The following TMC5 variants were observed in gnomAD, a reference collection of about 807,000 sequenced individuals.
The protein encoded by TMC5 is transmembrane channel like 5.
In TMC5, 86 loss-of-function variants were observed where a neutral mutation model predicts 110.5. That is an observed-to-expected ratio of 0.78 (90% CI 0.65 to 0.93). The LOEUF (loss-of-function observed/expected upper bound fraction) is 0.93, where lower values mean the gene tolerates loss of function less well. Ranked by LOEUF, TMC5 falls within the 40% of genes least tolerant of loss-of-function variation. The pLI is 0.00. For missense variants in TMC5, 1,144 were observed against 1,222.8 expected, an observed-to-expected ratio of 0.94 and a Z score of 0.96; for synonymous variants, 455 against 439.5, an observed-to-expected ratio of 1.04 and a Z score of -0.44.
chr16:19,439,522 A>G (rs1414010714), intron 2 of TMC5, among the ~76,000 whole-genome samples: 1 of 152,200 alleles, frequency 6.6e-6, no homozygotes, highest in Non-Finnish European at 1.5e-5. Context: ...TAAACAAGAT[A>G]ATTTTATTTC....
chr16:19,436,276 A>AAAAAAAAAAAG (rs1410692400), intron 2 of TMC5, among the ~76,000 whole-genome samples: 1 of 150,994 alleles, frequency 6.6e-6, no homozygotes, highest in African/African-American at 2.4e-5. Flanking sequence ...TCAAAAAGAA[A>AAAAAAAAAAAG]AAAAAAAAGA....
chr16:19,455,684 C>T (rs1967851345), intron 5 of TMC5, among the ~76,000 whole-genome samples: 1 of 152,146 alleles, frequency 6.6e-6, no homozygotes, highest in Non-Finnish European at 1.5e-5. Context: ...CCACAAGTCT[C>T]ATTGGCTAAA....
intron 4 of TMC5, among the ~76,000 whole-genome samples, chr16:19,445,401 C>A (rs183895135): frequency 6.6e-6 from 1 of 152,100 alleles, no homozygotes; most frequent in Admixed American, 6.6e-5. Context: ...TGCCACCATG[C>A]CTGGCACTTT....
At chr16:19,428,982 C>A (rs948380055) in intron 1 of TMC5, among the ~76,000 whole-genome samples, 1 of 152,006 alleles carries the variant, frequency 6.6e-6, no homozygotes, top group African/African-American at 2.4e-5. Context: ...CGAGCCACCA[C>A]GCCTGGCTCA....
At chr16:19,474,101 C>T (rs768258318) in intron 11 of TMC5, 24 bp from the exon 12 acceptor site, 28 of 1,609,980 alleles carry the variant, frequency 1.7e-5, no homozygotes, top group Non-Finnish European at 2.3e-5. Flanking sequence ...GTCAGCCCTC[C>T]GTTCTCTCCC....
In TMC5 at chr16:19,479,473, CTGA is replaced by C. The variant is rs1286292649; in HGVS notation, c.2215_2217del (p.Met739del). On this transcript the variant is annotated inframe_deletion, in exon 14 of 22. Transcript: ENST00000542583. ...TGGCCAGGACATCTACCGGCTCCTT[CTGA>C]TGGATTTTGTGTTCTCTTTAGTCAA... is the stretch of plus-strand genomic sequence containing the variant. 2.5e-6 allele frequency: 4 copies of C among 1,614,092 alleles called. No homozygotes were observed. Among genetic ancestry groups the C allele is most frequent in the Non-Finnish European group, 3.4e-6 (4 of 1,179,992 alleles).
At chr16:19,442,492 C>T (rs1291985418) in intron 3 of TMC5, among the ~76,000 whole-genome samples, 1 of 152,138 alleles carries the variant, frequency 6.6e-6, no homozygotes, top group South Asian at 2.1e-4. Context: ...CCATGCCCAG[C>T]TAGTTTTTGT....
At chr16:19,439,837 A>T in intron 2 of TMC5, 123 bp from the exon 3 acceptor site, 1 of 565,400 alleles carries the variant, frequency 1.8e-6, no homozygotes, top group Non-Finnish European at 3.1e-6. Context: ...CATAGTCTTT[A>T]TTCTAGGCAG....
At chr16:19,487,708 TAAATAAATAAATAAATAAATAA>T (rs1968784309) in intron 17 of TMC5, 3 of 68,172 alleles carry the variant, frequency 4.4e-5, no homozygotes, top group Non-Finnish European at 7.6e-5. Context: ...TCTCAATAAA[TAAATAAATAAATAAATAAATAA>T]ATAAATAAAT....
chr16:19,420,506 G>T (rs1255134426), intron 1 of TMC5, among the ~76,000 whole-genome samples: 1 of 151,832 alleles, frequency 6.6e-6, no homozygotes, highest in Non-Finnish European at 1.5e-5. Context: ...TGTCCCCCAG[G>T]CTGGAGTGCA....
chr16:19,463,643 A>G, intron 7 of TMC5, 133 bp from the exon 8 acceptor site: 3 of 1,180,180 alleles, frequency 2.5e-6, no homozygotes, highest in Non-Finnish European at 3.6e-6. Flanking sequence ...TAACATTTGT[A>G]AACATGCCTA....
At chr16:19,410,936 G>C (rs1966854349) in exon 1 of TMC5, 1 of 152,344 alleles carries the variant, frequency 6.6e-6, no homozygotes, top group African/African-American at 2.4e-5. Flanking sequence ...TGGGAGCGGG[G>C]AGCCAGCGGG....
Position 19,485,838 on chromosome 16 carries a change from G to A in TMC5, c.2364-1107G>A, listed in dbSNP as rs761454689. On this transcript the variant is annotated intron_variant, in intron 15 of 21. Coordinates refer to ENST00000542583, the MANE Select transcript of TMC5 (RefSeq NM_001261841.2). ...GAGATTTTCTCCTTTTGTTGCTCACGAGCACCGCGGGAGAGTTGTAAAGGG... is the reference window on the plus strand; with the variant it reads ...GAGATTTTCTCCTTTTGTTGCTCACAAGCACCGCGGGAGAGTTGTAAAGGG... Among the ~76,000 whole-genome samples the A allele has an allele frequency of 5.3e-5, 8 of 152,274 alleles. No homozygotes were observed. In the South Asian group the frequency reaches 6.2e-4, roughly 12 times the overall value.
At chr16:19,444,372 C>A (rs535303290) in intron 4 of TMC5, 122 bp downstream of exon 4, 1 of 869,972 alleles carries the variant, frequency 1.1e-6, no homozygotes, top group Non-Finnish European at 1.7e-6. Flanking sequence ...ATCTCAGAGA[C>A]CCTTGTTTTT....
chr16:19,487,154 C>T (rs769161307), intron 16 of TMC5, 39 bp from the exon 17 acceptor site: 32 of 1,604,300 alleles, frequency 2.0e-5, no homozygotes, highest in Non-Finnish European at 2.1e-5. Flanking sequence ...TGCCGCTGCT[C>T]CGGCTGCAGA....
chr16:19,428,874 G>A (rs954046122), intron 1 of TMC5, among the ~76,000 whole-genome samples: 2 of 152,188 alleles, frequency 1.3e-5, no homozygotes, highest in Non-Finnish European at 2.9e-5. Flanking sequence ...TGCCCAGGCT[G>A]GAGTGCAGTG....
Position 19,428,308 on chromosome 16 carries a change from C to CTTT in TMC5, c.-307-2089_-307-2087dup, listed in dbSNP as rs34374548. 1.2e-4 allele frequency among the ~76,000 whole-genome samples: 16 copies of CTTT among 131,486 alleles called. 1 individual carries two copies. Among genetic ancestry groups the CTTT allele is most frequent in the South Asian group, 2.5e-4 (1 of 4,034 alleles). The allele number at this position is 131,486 out of a possible 152,430, so 86.3% of individuals were successfully genotyped here. ...CTCTTTCTTCTCAAATTTCCCAATT[C>CTTT]TTTTTTTTTTTTTTTTTTGAGACAG... On this transcript the variant is annotated intron_variant, in intron 1 of 21. Coordinates refer to ENST00000542583, the MANE Select transcript of TMC5 (RefSeq NM_001261841.2).
intron 5 of TMC5, among the ~76,000 whole-genome samples, chr16:19,458,617 C>T (rs1967944983): frequency 6.6e-6 from 1 of 152,178 alleles, no homozygotes; most frequent in African/African-American, 2.4e-5. Flanking sequence ...TCACACAAAG[C>T]ATTTAGTAGG....
chr16:19,466,837 G>A (rs1286358469), intron 9 of TMC5, among the ~76,000 whole-genome samples: 4 of 152,122 alleles, frequency 2.6e-5, no homozygotes, highest in Admixed American at 2.6e-4. Context: ...CAGAGAGGAG[G>A]TACAAATGGA....
Sources: allele counts gnomAD v4.1 joint callset (sites outside exome capture counted in the v4.1 genomes callset), GRCh38; gene constraint gnomAD v4.1.1; transcripts MANE v1.5; gene names NCBI Gene and HGNC (gene_info 2026-07-23, HGNC 2026-07-21).